The following LPA variants were observed in gnomAD, a reference collection of about 807,000 sequenced individuals.
LPA encodes lipoprotein(a), also known as apolipoprotein(a).
LPA carries 199 observed loss-of-function variants against 197.9 expected under a neutral mutation model. That is an observed-to-expected ratio of 1.01 (90% CI 0.90 to 1.13). The LOEUF (loss-of-function observed/expected upper bound fraction) is 1.13. LPA is among the 50% of genes most tolerant of loss of function. The probability of loss-of-function intolerance (pLI) is 0.00; values close to 1 mark genes in which losing one functional copy is unlikely to be tolerated. For synonymous variants in LPA, 715 were observed against 639.5 expected (o/e 1.12, Z -1.78); for missense variants, 1,853 against 1,785.8 (o/e 1.04, Z -0.68).
chr6:160,599,402 G>A lies in LPA; in HGVS notation c.3287+98C>T. 3 of 1,540,060 alleles carry A rather than the reference G, an allele frequency of 1.9e-6. No homozygotes were observed. In the South Asian group the frequency reaches 3.4e-5, roughly 17 times the overall value. ...ACAGGAAATGTTCCTCTGCATCTGA[G>A]CCAAGTTGAGTCCTGAGCAGTCACC... On this transcript the variant is annotated intron_variant, in intron 20 of 38. Transcript: ENST00000316300.
intron 26 of LPA, among the ~76,000 whole-genome samples, chr6:160,579,257 T>C (rs1028948948): frequency 1.3e-5 from 2 of 152,130 alleles, no homozygotes; most frequent in Admixed American, 1.3e-4. Flanking sequence ...ACATTTGCAA[T>C]ATAAAATAAT....
At chr6:160,657,314 T>C (rs1780149188) in intron 1 of LPA, among the ~76,000 whole-genome samples, 1 of 152,050 alleles carries the variant, frequency 6.6e-6, no homozygotes, top group Admixed American at 6.5e-5. Context: ...TTCCTCTACA[T>C]TAAACCAAGG....
At chr6:160,538,738 G>T (rs966970825) in intron 36 of LPA, among the ~76,000 whole-genome samples, 1 of 152,176 alleles carries the variant, frequency 6.6e-6, no homozygotes, top group Non-Finnish European at 1.5e-5. Context: ...TGATGCAGAT[G>T]TCCTCACTCT....
chr6:160,653,514 G>C (rs1027938383), intron 1 of LPA, among the ~76,000 whole-genome samples: 4 of 135,352 alleles, frequency 3.0e-5, no homozygotes, highest in Non-Finnish European at 6.5e-5. Flanking sequence ...TGAGTAATGA[G>C]TTCTGAAGTT....
chr6:160,641,055 T>C (rs1408757408), intron 4 of LPA, among the ~76,000 whole-genome samples: 1 of 139,530 alleles, frequency 7.2e-6, no homozygotes, highest in Non-Finnish European at 1.6e-5. Flanking sequence ...TTATTACTAT[T>C]TTTTTAAATA....
chr6:160,556,489 A>T (rs1339412294), intron 29 of LPA, among the ~76,000 whole-genome samples: 2 of 152,084 alleles, frequency 1.3e-5, no homozygotes, highest in African/African-American at 4.8e-5. Context: ...GAAAACAATG[A>T]GGCAGGAAAC....
rs767549740 is a variant in LPA, at chr6:160,606,677, T to C, written c.2604-19A>G. 1.5e-5 allele frequency: 25 copies of C among 1,613,644 alleles called. No homozygotes were observed. The East Asian group carries it at 3.6e-4, about 23-fold the overall frequency. On this transcript the variant is annotated intron_variant, in intron 16 of 38. Coordinates refer to ENST00000316300, the MANE Select transcript of LPA (RefSeq NM_005577.4). Reference sequence around the variant, plus strand: ...CAAGCCACTGGAAATTCCAAAACGATACACGTCACAAGAGGTGGGACAATA... The same window carrying C: ...CAAGCCACTGGAAATTCCAAAACGACACACGTCACAAGAGGTGGGACAATA...
Position 160,577,199 on chromosome 6 carries a change from C to T in LPA, c.4568G>A (p.Cys1523Tyr). The change falls in exon 28 of 39, where the codon TGT becomes TAT. Residue 1523 changes from cysteine (C) to tyrosine (Y), a missense_variant. By Grantham distance (194) the Cys-to-Tyr change is radical. Coordinates refer to ENST00000316300, the MANE Select transcript of LPA (RefSeq NM_005577.4). Reference protein sequence around the residue: ...ISSTTVTGRTCQSWSSMIPHW... With the variant: ...ISSTTVTGRTYQSWSSMIPHW... ...TGGTATCATAGATGACCAAGATTGA[C>T]AGGTCCTTCCTGTGACAGTGGTGGA... 6.2e-7 allele frequency: 1 copy of T among 1,613,948 alleles called. No individual in the cohort carries two copies. The highest frequency in any genetic ancestry group is 8.5e-7 in the Non-Finnish European group (1 of 1,179,872).
At chr6:160,653,987 TA>T (rs1222429465) in intron 1 of LPA, among the ~76,000 whole-genome samples, 12 of 24,612 alleles carry the variant, frequency 4.9e-4, no homozygotes, top group African/African-American at 1.4e-3. Flanking sequence ...ATATAATATA[TA>T]ATATATATTA....
chr6:160,589,494 C>T (rs2115042553), intron 24 of LPA, 59 bp downstream of exon 24: 1 of 1,599,172 alleles, frequency 6.3e-7, no homozygotes, highest in African/African-American at 1.3e-5. Context: ...AAGCATGGCT[C>T]TTCCAGGAGA....
intron 1 of LPA, among the ~76,000 whole-genome samples, chr6:160,658,101 G>C (rs934054834): frequency 6.6e-6 from 1 of 152,138 alleles, no homozygotes; most frequent in African/African-American, 2.4e-5. Context: ...AGACAAAGGT[G>C]GAAAGGCTAA....
intron 33 of LPA, among the ~76,000 whole-genome samples, chr6:160,544,904 A>G (rs1778040176): frequency 6.6e-6 from 1 of 152,188 alleles, no homozygotes; most frequent in South Asian, 2.1e-4. Flanking sequence ...TCTCTAAGCA[A>G]TGTCGCTAAT....
intron 30 of LPA, among the ~76,000 whole-genome samples, chr6:160,553,960 C>CGCGT (rs1554231715): frequency 5.2e-4 from 17 of 32,424 alleles, no homozygotes; most frequent in Admixed American, 2.0e-3. Flanking sequence ...TGTGTGCGCG[C>CGCGT]GCGCGCGTGT....
rs1411164311 is a variant in LPA, at chr6:160,556,044, G to T, written c.4954C>A (p.Pro1652Thr). 6.2e-7 allele frequency: 1 copy of T among 1,611,078 alleles called. No individual in the cohort carries two copies. The highest frequency in any genetic ancestry group is 1.7e-5 in the Admixed American group (1 of 59,990). ...ACATACTCATTTGGGTAGTTTTCTG[G>T]GGTCCTCTGATGCCGGTGTGGTGTC... ...SMTPHRHQRT[P>T]ENYPNDGLTM... The change falls in exon 30 of 39, where the codon CCA (proline) becomes ACA (threonine). Residue 1652 changes from proline to threonine, a missense_variant. Pro to Thr is a conservative substitution (Grantham distance 38). Coordinates refer to ENST00000316300, the MANE Select transcript of LPA (RefSeq NM_005577.4).
chr6:160,594,374 C>T (rs34620808), intron 21 of LPA, among the ~76,000 whole-genome samples: 29,357 of 152,122 alleles, frequency 0.19, 3,168 homozygotes, highest in East Asian at 0.4. Flanking sequence ...GTCAAAATTG[C>T]ACTCATGTGC....
chr6:160,600,866 G>A (rs761614499), intron 19 of LPA, 51 bp downstream of exon 19: 5 of 1,592,952 alleles, frequency 3.1e-6, no homozygotes, highest in Non-Finnish European at 3.4e-6. Context: ...GGGTATCCAT[G>A]GCTTTTCATC....
At chr6:160,611,449 A>G (rs7761377) in intron 16 of LPA, 113 bp downstream of exon 16, 588,832 of 1,528,776 alleles carry the variant, frequency 0.39, 119,201 homozygotes, top group African/African-American at 0.62. Context: ...ATTTTGCTAC[A>G]CCATCTGAAT....
In LPA at chr6:160,580,279, A is replaced by G. The variant is rs190749819; in HGVS notation, c.4290-1575T>C. Among the ~76,000 whole-genome samples the G allele has an allele frequency of 3.3e-5, 5 of 152,182 alleles. No homozygotes were observed. In the South Asian group the frequency reaches 1.0e-3, roughly 32 times the overall value. ...GAAATTCTTTTTTCATTTTCTTTTG[A>G]TGAAACCATTTAAATAGTTTTCATT... On this transcript the variant is annotated intron_variant, in intron 26 of 38. Transcript: ENST00000316300.
intron 31 of LPA, 144 bp from the exon 32 acceptor site, chr6:160,548,081 G>T: frequency 1.3e-6 from 1 of 755,576 alleles, no homozygotes. Context: ...GAGCCACAAC[G>T]CTGAAGACTG....
Sources: allele counts gnomAD v4.1 joint callset (sites outside exome capture counted in the v4.1 genomes callset), GRCh38; gene constraint gnomAD v4.1.1; transcripts MANE v1.5; gene names NCBI Gene and HGNC (gene_info 2026-07-23, HGNC 2026-07-21).